Variants in MGST2 observed in about 807,000 individuals in gnomAD.
MGST2 encodes glutathione peroxidase MGST2.
A neutral mutation model predicts 16.6 loss-of-function variants in MGST2; 9 were observed. That is an observed-to-expected ratio of 0.54 (90% confidence interval 0.33 to 0.95). The LOEUF is 0.95. MGST2 is among the 40% of genes least tolerant of loss of function. The probability of loss-of-function intolerance (pLI) is 0.03; values close to 1 mark genes in which losing one functional copy is unlikely to be tolerated. For synonymous variants in MGST2, 79 were observed against 68.0 expected (o/e 1.16, Z -0.79); for missense variants, 159 against 175.1 (o/e 0.91, Z 0.52).
chr4:139,680,612 G>GT (rs1212965898), intron 2 of MGST2, among the ~76,000 whole-genome samples: 1 of 141,634 alleles, frequency 7.1e-6, no homozygotes, highest in Non-Finnish European at 1.5e-5. Flanking sequence ...CTGTTTATTG[G>GT]TTTTCTCTCT....
At chr4:139,669,755 T>A (rs552792237) in intron 1 of MGST2, among the ~76,000 whole-genome samples, 8 of 152,342 alleles carry the variant, frequency 5.3e-5, no homozygotes, top group African/African-American at 1.9e-4. Context: ...GCTGTGACAA[T>A]TTATTTTAAT....
intron 1 of MGST2, among the ~76,000 whole-genome samples, chr4:139,673,003 G>A (rs188055590): frequency 1.3e-5 from 2 of 152,182 alleles, no homozygotes; most frequent in African/African-American, 4.8e-5. Context: ...GAGAGGGGGA[G>A]ATCATATCCT....
chr4:139,715,026 G>A lies in MGST2; in HGVS notation c.*48+10830G>A, dbSNP rs1338484934. 6.6e-6 allele frequency among the ~76,000 whole-genome samples: 1 copy of A among 152,216 alleles called. No homozygotes were observed. Among genetic ancestry groups the A allele is most frequent in the African/African-American group, 2.4e-5 (1 of 41,458 alleles). ...TAGTGCCGAACCTGTTCTTAGCCGA[G>A]AGGGACTTTACCGAAGAGGGGCCTC... On this transcript the variant is annotated intron_variant, in intron 5 of 5. Coordinates refer to the MGST2 transcript ENST00000616265. The surrounding 1 kb of genome is among the most constrained non-coding windows in gnomAD (Gnocchi z 4.4).
rs539447505 is a variant in MGST2, at chr4:139,716,361, T to C, written c.*48+12165T>C. The stretch of plus-strand genomic sequence containing the variant: ...ACAGTGGAACAAGAACCTTTATTAC[T>C]TCCCCTCAATATATTCCGATTTTTC... On this transcript the variant is annotated intron_variant, in intron 5 of 5. Transcript: ENST00000616265. Among the ~76,000 whole-genome samples the C allele has an allele frequency of 1.0e-3, 154 of 152,334 alleles. 1 individual carries two copies. Among genetic ancestry groups the C allele is most frequent in the Non-Finnish European group, 2.0e-3 (134 of 68,020 alleles).
chr4:139,732,952 C>T (rs1363856079), intron 5 of MGST2, among the ~76,000 whole-genome samples: 1 of 152,190 alleles, frequency 6.6e-6, no homozygotes, highest in Non-Finnish European at 1.5e-5. Flanking sequence ...ATAAAAAGAT[C>T]TTACACTAAA....
chr4:139,713,394 T>C (rs574925706), intron 5 of MGST2, among the ~76,000 whole-genome samples: 1 of 142,016 alleles, frequency 7.0e-6, no homozygotes, highest in African/African-American at 2.6e-5. Flanking sequence ...CTGTGACACC[T>C]CCTTTGTTTT....
downstream of MGST2, among the ~76,000 whole-genome samples, chr4:139,704,752 C>G (rs1301609495): frequency 5.9e-5 from 9 of 152,268 alleles, no homozygotes; most frequent in East Asian, 1.5e-3. Flanking sequence ...GAAACCCTGT[C>G]TCTACTAAAG....
chr4:139,727,216 G>A (rs1476366544), intron 5 of MGST2, among the ~76,000 whole-genome samples: 3 of 152,136 alleles, frequency 2.0e-5, no homozygotes, highest in Non-Finnish European at 4.4e-5. Flanking sequence ...CCTCTGACTC[G>A]TTGACCCCAT....
At chr4:139,716,728 A>T (rs11940710) in intron 5 of MGST2, 1 of 152,458 alleles carries the variant, frequency 6.6e-6, no homozygotes, top group Non-Finnish European at 1.5e-5. Flanking sequence ...TCCAGTGAGG[A>T]TCTTAAAATA....
chr4:139,705,597 T>C (rs1453013426), downstream of MGST2: 4 of 152,284 alleles, frequency 2.6e-5, no homozygotes, highest in East Asian at 5.8e-4. Flanking sequence ...TTCAAGAATT[T>C]CCTTTAGTTA....
chr4:139,679,578 T>C (rs1364514566), intron 2 of MGST2, among the ~76,000 whole-genome samples: 1 of 152,238 alleles, frequency 6.6e-6, no homozygotes, highest in Non-Finnish European at 1.5e-5. Context: ...TCTTTAATGA[T>C]TATTGGACTA....
Position 139,697,518 on chromosome 4 carries a change from TCAGC to T in MGST2, c.229+2252_229+2255del, listed in dbSNP as rs1307480117. 1.8e-4 allele frequency among the ~76,000 whole-genome samples: 28 copies of T among 152,384 alleles called. No homozygotes were observed. The East Asian group carries it at 5.2e-3, about 28-fold the overall frequency. On this transcript the variant is annotated intron_variant, in intron 3 of 4. Transcript: ENST00000265498. The stretch of plus-strand genomic sequence containing the variant: ...CCATCCTTTGCTGGCATTAAATTCT[TCAGC>T]TTTAGATCCTTCATCTTCCTTTTGC...
At chr4:139,680,414 C>T (rs907541237) in intron 2 of MGST2, among the ~76,000 whole-genome samples, 3 of 152,140 alleles carry the variant, frequency 2.0e-5, no homozygotes, top group Non-Finnish European at 2.9e-5. Context: ...CATTCAAATG[C>T]ATTAGATAAT....
At chr4:139,725,775 C>T (rs1439053544) in intron 5 of MGST2, 5 of 1,613,844 alleles carry the variant, frequency 3.1e-6, no homozygotes, top group Non-Finnish European at 4.2e-6. Flanking sequence ...ACCTGCTGCA[C>T]TGGGTATGGA....
the MGST2 span, among the ~76,000 whole-genome samples, chr4:139,747,123 C>T: frequency 6.6e-6 from 1 of 152,184 alleles, no homozygotes; most frequent in East Asian, 1.9e-4. Context: ...AAGCCCTGTC[C>T]TCAGAATGTG....
chr4:139,732,625 T>C (rs1282375862), intron 5 of MGST2, among the ~76,000 whole-genome samples: 2 of 151,506 alleles, frequency 1.3e-5, no homozygotes, highest in Non-Finnish European at 2.9e-5. Context: ...TTTTAAAAAA[T>C]GTAACTTAAA....
intron 4 of MGST2, 51 bp from the exon 5 acceptor site, chr4:139,703,965 T>G (rs373359911): frequency 6.2e-7 from 1 of 1,611,362 alleles, no homozygotes; most frequent in African/African-American, 1.3e-5. Flanking sequence ...ACTCTCAGCT[T>G]CCTTATTACA....
intron 5 of MGST2, among the ~76,000 whole-genome samples, chr4:139,734,259 T>C (rs1254651769): frequency 1.3e-5 from 2 of 152,246 alleles, no homozygotes; most frequent in African/African-American, 2.4e-5. Context: ...CCACTGCTCT[T>C]GTTTCTAAGA....
In MGST2 at chr4:139,678,557, C is replaced by G; in HGVS notation, c.73C>G (p.Gln25Glu). 1 of 1,613,984 alleles carries G rather than the reference C, an allele frequency of 6.2e-7. No individual in the cohort carries two copies. The highest frequency in any genetic ancestry group is 2.2e-5 in the East Asian group (1 of 44,868). Reference sequence around the variant, plus strand: ...TTTACTTGCAGGTTATTTTGCTTTGCAAGTTGGAAAGGCAAGATTAAAATA... The same window carrying G: ...TTTACTTGCAGGTTATTTTGCTTTGGAAGTTGGAAAGGCAAGATTAAAATA... Reference protein sequence around the residue: ...SACQQSYFALQVGKARLKYKV... With the variant: ...SACQQSYFALEVGKARLKYKV... The change falls in exon 2 of 5, where the codon CAA becomes GAA. Residue 25 changes from glutamine (Q) to glutamate (E), a missense_variant. Gln to Glu is a conservative substitution (Grantham distance 29, BLOSUM62 2). Coordinates refer to ENST00000265498, the MANE Select transcript of MGST2 (RefSeq NM_002413.5).
Sources: gnomAD v4.1 joint callset for allele counts (sites outside exome capture counted in the v4.1 genomes callset) on GRCh38, gnomAD v4.1.1 for gene constraint, Gnocchi (gnomAD v3.1) non-coding constraint, MANE v1.5 for transcripts, NCBI Gene and HGNC (gene_info 2026-07-23, HGNC 2026-07-21) for gene names.